The following GABRB1 variants were observed in gnomAD, a reference collection of about 807,000 sequenced individuals.
GABRB1 encodes gamma-aminobutyric acid receptor subunit beta-1.
GABRB1 carries 17 observed loss-of-function variants against 51.6 expected under a neutral mutation model. That is an observed-to-expected ratio of 0.33 (90% CI 0.23 to 0.49). GABRB1 has a LOEUF of 0.49. Ranked by LOEUF, GABRB1 falls within the 20% of genes least tolerant of loss-of-function variation. The probability of loss-of-function intolerance (pLI) is 0.99; values close to 1 mark genes in which losing one functional copy is unlikely to be tolerated. For synonymous variants in GABRB1, 247 were observed against 218.9 expected (o/e 1.13, Z -1.14); for missense variants, 410 against 600.6 (o/e 0.68, Z 3.32).
intron 4 of GABRB1, among the ~76,000 whole-genome samples, chr4:47,225,958 G>T (rs781513909): frequency 1.3e-5 from 2 of 152,104 alleles, no homozygotes. Flanking sequence ...CCCCCCACCA[G>T]TGTACTGGCT....
intron 4 of GABRB1, among the ~76,000 whole-genome samples, chr4:47,230,353 G>C (rs1384659618): frequency 6.6e-6 from 1 of 152,002 alleles, no homozygotes; most frequent in African/African-American, 2.4e-5. Flanking sequence ...AGATTACAAG[G>C]TCCCACGTAT....
At chr4:47,404,531 C>T (rs953866980) in intron 7 of GABRB1, among the ~76,000 whole-genome samples, 1 of 122,232 alleles carries the variant, frequency 8.2e-6, no homozygotes, top group African/African-American at 3.0e-5. Context: ...ACACACACAT[C>T]ATTTCTGGCT....
intron 5 of GABRB1, among the ~76,000 whole-genome samples, chr4:47,344,717 T>G (rs535024917): frequency 6.0e-5 from 9 of 149,654 alleles, no homozygotes; most frequent in South Asian, 4.5e-4. Flanking sequence ...GTGTGTGTGT[T>G]TTTTTGTTTT....
At position 47,031,730 on chromosome 4, in the gene GABRB1, A is replaced by C; in HGVS notation, c.79A>C (p.Ser27Arg). The change falls in exon 1 of 9, where the codon AGC becomes CGC. Residue 27 changes from serine (S) to arginine (R), a missense_variant and splice_region_variant. Transcript: ENST00000295454. ...VMITMVCCAH[S>R]TNEPSNMSYV... ...GATTACCATGGTCTGTTGTGCACAC[A>C]GGTGAGCTGCTGTTGTTGAATCTCG... The C allele has an allele frequency of 6.2e-7, 1 of 1,611,892 alleles. No individual in the cohort carries two copies. The highest frequency in any genetic ancestry group is 8.5e-7 in the Non-Finnish European group (1 of 1,178,182).
intron 3 of GABRB1, among the ~76,000 whole-genome samples, chr4:47,132,237 T>A (rs958169734): frequency 3.3e-5 from 5 of 152,230 alleles, no homozygotes; most frequent in African/African-American, 1.2e-4. Flanking sequence ...ACTGTTTATG[T>A]TGTATGCTAA....
chr4:47,259,769 G>A (rs1722353616), intron 4 of GABRB1, among the ~76,000 whole-genome samples: 1 of 152,052 alleles, frequency 6.6e-6, no homozygotes, highest in African/African-American at 2.4e-5. Context: ...TACTTTCTTT[G>A]GTGGTGATAT....
chr4:47,369,365 G>T (rs887304330), intron 5 of GABRB1, among the ~76,000 whole-genome samples: 1 of 151,832 alleles, frequency 6.6e-6, no homozygotes, highest in African/African-American at 2.4e-5. Context: ...ATTTAGTCAT[G>T]AAATTATTAT....
intron 4 of GABRB1, among the ~76,000 whole-genome samples, chr4:47,275,471 T>C (rs1055026429): frequency 6.6e-6 from 1 of 152,138 alleles, no homozygotes; most frequent in Non-Finnish European, 1.5e-5. Context: ...CTTTCTCGAT[T>C]GATAAAGTGG....
intron 4 of GABRB1, among the ~76,000 whole-genome samples, chr4:47,179,286 G>A (rs191234320): frequency 1.7e-4 from 26 of 152,194 alleles, no homozygotes; most frequent in Admixed American, 3.3e-4. Context: ...CCCTGCAAAG[G>A]ACATGAACTA....
rs182363391 is a variant in GABRB1 at position 47,420,869 on chromosome 4, C to A, written c.1081-4805C>A. Among the ~76,000 whole-genome samples the A allele has an allele frequency of 2.6e-4, 40 of 152,012 alleles. No homozygotes were observed. The South Asian group carries it at 4.2e-3, about 16-fold the overall frequency. On this transcript the variant is annotated intron_variant, in intron 8 of 8. Coordinates refer to ENST00000295454, the MANE Select transcript of GABRB1 (RefSeq NM_000812.4). ...GCTACCACATGTATACCTTACCTGA[C>A]AGCAGAAAGCTGGAGGGTGAGGGTG...
rs1008335447 is a variant in GABRB1 at position 47,273,125 on chromosome 4, AG to A, written c.462-47001del. Among the ~76,000 whole-genome samples the A allele has an allele frequency of 3.9e-4, 60 of 152,172 alleles. 1 individual carries two copies. The highest frequency in any genetic ancestry group is 3.6e-3 in the Admixed American group (55 of 15,266). On this transcript the variant is annotated intron_variant, in intron 4 of 8. Coordinates refer to ENST00000295454, the MANE Select transcript of GABRB1 (RefSeq NM_000812.4). ...TCCTTATGGTGCGTTGGCTTTAAAA[AG>A]CCTTAAGAACCTCCCTGTTTAATAT...
chr4:47,254,589 G>A (rs1199906287), intron 4 of GABRB1, among the ~76,000 whole-genome samples: 1 of 151,482 alleles, frequency 6.6e-6, no homozygotes, highest in Admixed American at 6.6e-5. Flanking sequence ...AGCCAGGATG[G>A]TCTCGATCTC....
At chr4:47,219,444 AT>A (rs1458714620) in intron 4 of GABRB1, among the ~76,000 whole-genome samples, 3 of 151,882 alleles carry the variant, frequency 2.0e-5, no homozygotes, top group Admixed American at 6.6e-5. Flanking sequence ...TTGTGTTATT[AT>A]TTTGTATTCT....
chr4:47,074,281 A>C (rs1727462476), intron 3 of GABRB1, among the ~76,000 whole-genome samples: 1 of 152,246 alleles, frequency 6.6e-6, no homozygotes, highest in African/African-American at 2.4e-5. Context: ...CAAACGTATC[A>C]TTGAAGCTCG....
intron 4 of GABRB1, among the ~76,000 whole-genome samples, chr4:47,239,540 T>C (rs1444255199): frequency 2.0e-5 from 3 of 152,240 alleles, no homozygotes; most frequent in African/African-American, 7.2e-5. Flanking sequence ...ATCATTTCTA[T>C]ATAGCCTCAT....
At chr4:47,049,722 C>A (rs1278021009) in intron 3 of GABRB1, among the ~76,000 whole-genome samples, 1 of 152,026 alleles carries the variant, frequency 6.6e-6, no homozygotes, top group African/African-American at 2.4e-5. Flanking sequence ...AAATATTTAG[C>A]TTGATTCTAC....
At chr4:47,165,529 G>A (rs1718145063) in intron 4 of GABRB1, among the ~76,000 whole-genome samples, 1 of 152,098 alleles carries the variant, frequency 6.6e-6, no homozygotes, top group Non-Finnish European at 1.5e-5. Flanking sequence ...TTCTCCGAAT[G>A]CTTTAAGAGT....
chr4:47,083,521 G>T (rs761537093), intron 3 of GABRB1, among the ~76,000 whole-genome samples: 3 of 152,108 alleles, frequency 2.0e-5, no homozygotes, highest in Non-Finnish European at 4.4e-5. Context: ...ATAAAAGCTA[G>T]TGAATGTGCA....
In GABRB1 at chr4:47,031,974, A is replaced by G; in HGVS notation, c.141A>G (p.Gly47=). 1.2e-6 allele frequency: 2 copies of G among 1,612,822 alleles called. No homozygotes were observed. The highest frequency in any genetic ancestry group is 2.2e-5 in the South Asian group (2 of 91,048). The change falls in exon 2 of 9, where the codon GGA becomes GGG. Residue 47 remains glycine (G), a synonymous_variant. Coordinates refer to ENST00000295454, the MANE Select transcript of GABRB1 (RefSeq NM_000812.4). ...VKETVDRLLK[G]YDIRLRPDFG... ...AGACAGTGGACAGATTGCTCAAAGG[A>G]TATGACATTCGCTTGCGGCCGGACT...
Sources: gnomAD v4.1 joint callset for allele counts (sites outside exome capture counted in the v4.1 genomes callset) on GRCh38, gnomAD v4.1.1 for gene constraint, MANE v1.5 for transcripts, NCBI Gene and HGNC (gene_info 2026-07-23, HGNC 2026-07-21) for gene names.